Variants in SLC9C2 observed in about 807,000 individuals in gnomAD.
SLC9C2 encodes the protein solute carrier family 9 member C2 (putative).
Under a neutral mutation model 140.2 loss-of-function variants are expected in SLC9C2, and 75 were observed. The observed-to-expected ratio is 0.53, with a 90% confidence interval of 0.44 to 0.65. SLC9C2 has a LOEUF of 0.65. Ranked by LOEUF, SLC9C2 falls within the 30% of genes least tolerant of loss-of-function variation. The pLI, the probability that SLC9C2 is intolerant of heterozygous loss-of-function variation, is 0.00. For synonymous variants in SLC9C2, 375 were observed against 420.9 expected (o/e 0.89, Z 1.34); for missense variants, 1,074 against 1,331.8 (o/e 0.81, Z 3.01).
At chr1:173,519,375 G>C (rs771345063) in intron 22 of SLC9C2, among the ~76,000 whole-genome samples, 2 of 152,136 alleles carry the variant, frequency 1.3e-5, no homozygotes, top group Non-Finnish European at 2.9e-5. Flanking sequence ...TGTGCCCTTA[G>C]AGCTTCCAGA....
In SLC9C2 at chr1:173,557,612, GA is replaced by G. The variant is rs1364213490; in HGVS notation, c.1047-105del. On this transcript the variant is annotated intron_variant, in intron 9 of 27. Transcript: ENST00000367714. ...CTAAATTTAATATAAAAATTTTCGG[GA>G]AAGAAAAAAACAATGCAATTTACTG... is the stretch of plus-strand genomic sequence containing the variant. The G allele has an allele frequency of 1.8e-5, 20 of 1,122,142 alleles. No individual in the cohort carries two copies. The East Asian group carries it at 5.3e-4, about 30-fold the overall frequency. 69.5% of individuals were successfully genotyped at this position (1,122,142 alleles called of 1,614,324 possible). A position where few individuals can be genotyped will look rare whatever the true frequency, so the allele number is the denominator to read the frequency against.
intron 9 of SLC9C2, among the ~76,000 whole-genome samples, chr1:173,568,394 T>C (rs1664629716): frequency 7.2e-6 from 1 of 139,364 alleles, no homozygotes; most frequent in Non-Finnish European, 1.5e-5. Flanking sequence ...TGGTTTTCTG[T>C]TCCTGTGTTA....
At chr1:173,536,380 A>T (rs2102005971) in intron 14 of SLC9C2, among the ~76,000 whole-genome samples, 1 of 152,268 alleles carries the variant, frequency 6.6e-6, no homozygotes, top group African/African-American at 2.4e-5. Flanking sequence ...ATTGCCCCAC[A>T]GCTTTGTGTT....
Position 173,524,041 on chromosome 1 carries a change from G to C in SLC9C2, c.2568C>G (p.Pro856=), listed in dbSNP as rs372976537. 5.9e-5 allele frequency: 95 copies of C among 1,613,536 alleles called. No homozygotes were observed. The African/African-American group carries it at 1.2e-3, about 20-fold the overall frequency. Reference sequence around the variant, plus strand: ...TGTGAAGGTATATGTCAGGAGTTGGGGGTGGGATTGCCTTTGGAAAGTTAT... The same window carrying C: ...TGTGAAGGTATATGTCAGGAGTTGGCGGTGGGATTGCCTTTGGAAAGTTAT... ...ALNNFPKAIP[P]PTPDIYLHNI... Residue 856 remains proline, a synonymous_variant, in exon 21 of 28, where the codon CCC becomes CCG. Coordinates refer to ENST00000367714, the MANE Select transcript of SLC9C2 (RefSeq NM_178527.4).
intron 4 of SLC9C2, among the ~76,000 whole-genome samples, chr1:173,592,856 C>T (rs558356689): frequency 2.0e-5 from 3 of 152,242 alleles, no homozygotes; most frequent in African/African-American, 4.8e-5. Flanking sequence ...ACAAAGGAAA[C>T]GCCATCAGGC....
At chr1:173,567,407 T>C (rs934963302) in intron 9 of SLC9C2, among the ~76,000 whole-genome samples, 3 of 152,116 alleles carry the variant, frequency 2.0e-5, no homozygotes, top group Non-Finnish European at 4.4e-5. Flanking sequence ...TTTATCATTA[T>C]ATAATGACCT....
At chr1:173,582,745 GCTT>G (rs5778774) in intron 6 of SLC9C2, among the ~76,000 whole-genome samples, 224 of 152,288 alleles carry the variant, frequency 1.5e-3, no homozygotes, top group African/African-American at 5.2e-3. Flanking sequence ...CAAGGCAACA[GCTT>G]CATATCCCAG....
At chr1:173,537,774 G>A (rs1006993239) in intron 13 of SLC9C2, among the ~76,000 whole-genome samples, 4 of 151,954 alleles carry the variant, frequency 2.6e-5, no homozygotes, top group Non-Finnish European at 4.4e-5. Flanking sequence ...GCCCCACAAA[G>A]AACTATCAAA....
At chr1:173,536,070 T>C in intron 14 of SLC9C2, 121 bp from the exon 15 acceptor site, 1 of 809,326 alleles carries the variant, frequency 1.2e-6, no homozygotes. Context: ...ATAAGCTCAG[T>C]CTCATGCCTC....
intron 4 of SLC9C2, among the ~76,000 whole-genome samples, chr1:173,591,303 T>C (rs1170097848): frequency 1.3e-5 from 2 of 152,220 alleles, no homozygotes; most frequent in Non-Finnish European, 2.9e-5. Context: ...TGATTCCATA[T>C]CTTTGCTATT....
At chr1:173,531,803 T>C (rs1407094213) in intron 17 of SLC9C2, among the ~76,000 whole-genome samples, 1 of 152,240 alleles carries the variant, frequency 6.6e-6, no homozygotes, top group Non-Finnish European at 1.5e-5. Flanking sequence ...TTAAATACTT[T>C]TCACGAAGTA....
Position 173,548,399 on chromosome 1 carries a change from T to G in SLC9C2, c.1451A>C (p.Glu484Ala). The change falls in exon 12 of 28, where the codon GAA becomes GCA. Residue 484 changes from glutamate (E) to alanine (A), a missense_variant. Coordinates refer to ENST00000367714, the MANE Select transcript of SLC9C2 (RefSeq NM_178527.4). ...WTLVEDKTRIEYIPFSHVSHN... is the reference protein window; with the variant it reads ...WTLVEDKTRIAYIPFSHVSHN... ...CAGGTATCAACTCACAGGAATGTAT[T>G]CGATCCTCGTTTTATCTTCTACTAA... 1 of 1,612,396 alleles carries G rather than the reference T, an allele frequency of 6.2e-7. No individual in the cohort carries two copies. Among genetic ancestry groups the G allele is most frequent in the Non-Finnish European group, 8.5e-7 (1 of 1,179,342 alleles).
chr1:173,586,102 G>T (rs962092210), intron 5 of SLC9C2, among the ~76,000 whole-genome samples: 1 of 152,090 alleles, frequency 6.6e-6, no homozygotes. Flanking sequence ...GTGCAGAAAG[G>T]AGAGCAGGAA....
chr1:173,528,260 CA>C (rs1661346692), intron 18 of SLC9C2, among the ~76,000 whole-genome samples: 1 of 152,166 alleles, frequency 6.6e-6, no homozygotes, highest in African/African-American at 2.4e-5. Flanking sequence ...CTCAAAAGGC[CA>C]TTTAAATCTT....
intron 7 of SLC9C2, among the ~76,000 whole-genome samples, chr1:173,580,683 G>A (rs1050321051): frequency 2.0e-5 from 3 of 152,198 alleles, no homozygotes; most frequent in African/African-American, 4.8e-5. Context: ...TAAGGAAAGT[G>A]AACCGTAGAG....
intron 7 of SLC9C2, among the ~76,000 whole-genome samples, chr1:173,580,984 G>T (rs1665493314): frequency 6.6e-6 from 1 of 152,094 alleles, no homozygotes; most frequent in Admixed American, 6.5e-5. Context: ...ACAGGAGAGG[G>T]GAAAAATGAA....
intron 4 of SLC9C2, among the ~76,000 whole-genome samples, chr1:173,592,377 AT>A (rs1571632646): frequency 6.6e-6 from 1 of 152,142 alleles, no homozygotes; most frequent in Admixed American, 6.5e-5. Context: ...TTTTAAAATA[AT>A]TTTTTTCTAG....
At chr1:173,541,433 A>G (rs1045947165) in intron 13 of SLC9C2, among the ~76,000 whole-genome samples, 5 of 152,184 alleles carry the variant, frequency 3.3e-5, no homozygotes, top group Non-Finnish European at 7.4e-5. Context: ...CCCCACTGTC[A>G]ATATTAGACA....
chr1:173,565,851 C>A (rs1664437128), intron 9 of SLC9C2, among the ~76,000 whole-genome samples: 1 of 151,750 alleles, frequency 6.6e-6, no homozygotes, highest in Admixed American at 6.6e-5. Context: ...CGTGGAATGT[C>A]TTTTTTTTAT....
Sources: allele counts gnomAD v4.1 joint callset (sites outside exome capture counted in the v4.1 genomes callset), GRCh38; gene constraint gnomAD v4.1.1; transcripts MANE v1.5; gene names NCBI Gene and HGNC (gene_info 2026-07-23, HGNC 2026-07-21).